Variants in IGSF9B observed in about 807,000 individuals in gnomAD.
IGSF9B encodes the protein protein turtle homolog B.
IGSF9B carries 48 observed loss-of-function variants against 143.7 expected under a neutral mutation model. That is an observed-to-expected ratio of 0.33 (90% CI 0.26 to 0.42). IGSF9B has a LOEUF of 0.42. Ranked by LOEUF, IGSF9B falls within the 20% of genes least tolerant of loss-of-function variation. The pLI is 1.00. For synonymous variants in IGSF9B, 903 were observed against 833.1 expected, an observed-to-expected ratio of 1.08 and a Z score of -1.44; for missense variants, 1,706 against 1,980.0, an observed-to-expected ratio of 0.86 and a Z score of 2.63.
rs1030872868 is a variant in IGSF9B at position 133,897,394 on chromosome 11, A to G, written c.*11675T>C. On this transcript the variant is annotated 3_prime_UTR_variant, in exon 20 of 20. Coordinates refer to ENST00000533871, the MANE Select transcript of IGSF9B (RefSeq NM_001277285.4). ...CGCACACACACGCACAGGTATGCACACATATATATGCAGGTGCGCGCACAC... is the reference window on the plus strand; with the variant it reads ...CGCACACACACGCACAGGTATGCACGCATATATATGCAGGTGCGCGCACAC... 34 of 152,206 alleles carry G rather than the reference A, an allele frequency of 2.2e-4. No homozygotes were observed. The highest frequency in any genetic ancestry group is 8.0e-4 in the African/African-American group (33 of 41,412). 9.4% of individuals were successfully genotyped at this position (152,206 alleles called of 1,614,324 possible).
At chr11:133,919,066 CGGGCTGGTCGCG>C (rs1170802882) in intron 18 of IGSF9B, 8 of 446,028 alleles carry the variant, frequency 1.8e-5, no homozygotes, top group Non-Finnish European at 3.6e-5. Context: ...CTCTCTCAGG[CGGGCTGGTCGCG>C]GGAGCTGGTC....
chr11:133,932,045 A>G (rs777366156), intron 8 of IGSF9B, 26 bp downstream of exon 8: 10 of 1,596,114 alleles, frequency 6.3e-6, no homozygotes, highest in Admixed American at 5.1e-5. Flanking sequence ...CCTCACTCCA[A>G]CCCTCAACAT....
intron 18 of IGSF9B, chr11:133,919,196 G>A (rs1310258388): frequency 2.6e-6 from 1 of 384,180 alleles, no homozygotes; most frequent in Non-Finnish European, 5.2e-6. Flanking sequence ...GAGAGGCTGA[G>A]GAGGGGGCTG....
chr11:133,930,998 T>C lies in IGSF9B; in HGVS notation c.1505A>G (p.His502Arg), dbSNP rs781141190. The C allele has an allele frequency of 6.2e-7, 1 of 1,611,262 alleles. No individual in the cohort carries two copies. The highest frequency in any genetic ancestry group is 8.5e-7 in the Non-Finnish European group (1 of 1,178,616). Residue 502 changes from histidine (H) to arginine (R), a missense_variant, in exon 11 of 20, where the codon CAC becomes CGC. Coordinates refer to ENST00000533871, the MANE Select transcript of IGSF9B (RefSeq NM_001277285.4). Reference protein sequence around the residue: ...NVVTSITASTHLTVIGTSPHA... With the variant: ...NVVTSITASTRLTVIGTSPHA... ...CGGCCACGTACCGATGACGGTGAGGTGGGTGCTGGCAGTGATGCTCGTGAC... is the reference window on the plus strand; with the variant it reads ...CGGCCACGTACCGATGACGGTGAGGCGGGTGCTGGCAGTGATGCTCGTGAC...
chr11:133,911,821 A>G, intron 19 of IGSF9B, 65 bp downstream of exon 19: 1 of 1,433,320 alleles, frequency 7.0e-7, no homozygotes, highest in Non-Finnish European at 9.1e-7. Flanking sequence ...CGGCAGCCCA[A>G]TAACCCTCCT....
At chr11:133,929,545 C>A in intron 12 of IGSF9B, 126 bp downstream of exon 12, 2 of 675,102 alleles carry the variant, frequency 3.0e-6, no homozygotes, top group Non-Finnish European at 5.4e-6. Flanking sequence ...TCAGTCTGTG[C>A]AGGGCTGGCA....
At chr11:133,939,934 C>A (rs1430873906) in intron 3 of IGSF9B, among the ~76,000 whole-genome samples, 1 of 148,894 alleles carries the variant, frequency 6.7e-6, no homozygotes. Flanking sequence ...CGCGTCATCA[C>A]ATGCAAAAAC....
chr11:133,919,963 GGACGGCGTA>G lies in IGSF9B; in HGVS notation c.3753_3761del (p.Pro1253_Thr1255del). ...GGCTGCTCTGGGAGGGGGAGCCTGT[GGACGGCGTA>G]GACTTTCGAGAAAAGCTGACTGCAG... On this transcript the variant is annotated inframe_deletion, in exon 18 of 20. Coordinates refer to ENST00000533871, the MANE Select transcript of IGSF9B (RefSeq NM_001277285.4). 6.4e-7 allele frequency: 1 copy of G among 1,565,620 alleles called. No individual in the cohort carries two copies. Among genetic ancestry groups the G allele is most frequent in the East Asian group, 2.3e-5 (1 of 44,240 alleles).
rs1939638565 is a variant in IGSF9B, at chr11:133,926,955, T to A, written c.1768A>T (p.Thr590Ser). ...GTGACCACCTCACTGAAGGCGCTGG[T>A]TCCCAGCTTGTTCTGGGCCAGGACG... The part of the protein sequence containing the change: ...FSVLAQNKLG[T>S]SAFSEVVTVN... Residue 590 changes from threonine (T) to serine (S), a missense_variant, in exon 13 of 20, where the codon ACC becomes TCC. Around this residue, in one of 7 missense-constraint regions of IGSF9B, gnomAD observed 267 missense variants for 321.1 expected, o/e 0.83. Transcript: ENST00000533871. 1 of 1,598,486 alleles carries A rather than the reference T, an allele frequency of 6.3e-7. No individual in the cohort carries two copies. Among genetic ancestry groups the A allele is most frequent in the Non-Finnish European group, 8.5e-7 (1 of 1,172,850 alleles).
At chr11:133,922,923 G>C (rs760370647) in intron 15 of IGSF9B, among the ~76,000 whole-genome samples, 193 bp from the exon 16 acceptor site, 2 of 152,240 alleles carry the variant, frequency 1.3e-5, no homozygotes, top group African/African-American at 2.4e-5. Flanking sequence ...AGAGTCTACA[G>C]AAGTCAATCT....
chr11:133,917,221 G>A (rs1470564084), intron 18 of IGSF9B, among the ~76,000 whole-genome samples: 2 of 152,200 alleles, frequency 1.3e-5, no homozygotes, highest in African/African-American at 2.4e-5. Context: ...AGGGCAGAGG[G>A]TCCGTGGCGA....
rs371249005 is a variant in IGSF9B at position 133,940,599 on chromosome 11, G to A, written c.410-2638C>T. 3.0e-3 allele frequency among the ~76,000 whole-genome samples: 371 copies of A among 125,386 alleles called. 2 individuals are homozygous for A. The highest frequency in any genetic ancestry group is 0.011 in the African/African-American group (340 of 31,892). The allele number at this position is 125,386 out of a possible 152,430, so 82.3% of individuals were successfully genotyped here. On this transcript the variant is annotated intron_variant, in intron 3 of 19. Coordinates refer to ENST00000533871, the MANE Select transcript of IGSF9B (RefSeq NM_001277285.4). ...ACACACACCTCGCATGTCCTCGCACGCGTCATCACATAAACATACACCTTG... is the reference window on the plus strand; with the variant it reads ...ACACACACCTCGCATGTCCTCGCACACGTCATCACATAAACATACACCTTG...
rs760758500 is a variant in IGSF9B at position 133,931,802 on chromosome 11, G to A, written c.1111-7C>T. On this transcript the variant is annotated splice_polypyrimidine_tract_variant and splice_region_variant and intron_variant, in intron 8 of 19. Transcript: ENST00000533871. The surrounding 1 kb of genome is among the most constrained non-coding windows in gnomAD (Gnocchi z 7.7). ...TCAGGGTCCAACCGAGGTTCTGCCA[G>A]ACACAGACGATAGGGCAGGGAACGC... The A allele has an allele frequency of 1.9e-6, 3 of 1,611,104 alleles. No homozygotes were observed. The highest frequency in any genetic ancestry group is 1.7e-6 in the Non-Finnish European group (2 of 1,179,216).
At chr11:133,933,317 G>T (rs1166493639) in intron 7 of IGSF9B, among the ~76,000 whole-genome samples, 1 of 152,140 alleles carries the variant, frequency 6.6e-6, no homozygotes. Flanking sequence ...GCAACAAGCA[G>T]TCCCCGCCTC....
At position 133,953,696 on chromosome 11, in the gene IGSF9B, G is replaced by A. The variant is rs548608474; in HGVS notation, c.64+2995C>T. Among the ~76,000 whole-genome samples the A allele has an allele frequency of 4.7e-4, 72 of 152,324 alleles. No homozygotes were observed. The highest frequency in any genetic ancestry group is 1.6e-3 in the African/African-American group (68 of 41,574). Reference sequence around the variant, plus strand: ...TCTGTGGCAGACAGAGGAGGCAGCCGTGGGAGTAAAGTCTGGGACTTTCCT... The same window carrying A: ...TCTGTGGCAGACAGAGGAGGCAGCCATGGGAGTAAAGTCTGGGACTTTCCT... On this transcript the variant is annotated intron_variant, in intron 1 of 19. Coordinates refer to ENST00000533871, the MANE Select transcript of IGSF9B (RefSeq NM_001277285.4). The surrounding 1 kb of genome is among the most constrained non-coding windows in gnomAD (Gnocchi z 4.2).
intron 5 of IGSF9B, among the ~76,000 whole-genome samples, chr11:133,936,406 G>A (rs1024977516): frequency 1.3e-5 from 2 of 151,472 alleles, no homozygotes; most frequent in African/African-American, 4.9e-5. Flanking sequence ...CAGCCGCCAC[G>A]CACACCCCCT....
In IGSF9B at chr11:133,921,097, G is replaced by A. The variant is rs1356749815; in HGVS notation, c.2628C>T (p.Gly876=). 2 of 1,613,900 alleles carry A rather than the reference G, an allele frequency of 1.2e-6. No individual in the cohort carries two copies. Among genetic ancestry groups the A allele is most frequent in the South Asian group, 1.1e-5 (1 of 91,092 alleles). The change falls in exon 18 of 20, where the codon GGC becomes GGT. Residue 876 remains glycine, a synonymous_variant. Coordinates refer to ENST00000533871, the MANE Select transcript of IGSF9B (RefSeq NM_001277285.4). ...TGTCCGTCTCCTCGGCGAAGGGGAA[G>A]CCCTCGATGCGCCTGCTCTTCAGCG... ...EPSLKSRRIE[G]FPFAEETDMY...
Position 133,908,985 on chromosome 11 carries a change from C to A in IGSF9B, c.*84G>T. On this transcript the variant is annotated 3_prime_UTR_variant, in exon 20 of 20. Transcript: ENST00000533871. ...AAAGGTCTGGGCCGCCCTTGGCAGA[C>A]GGAGGAGGACACACCCCCACACAGT... is the stretch of plus-strand genomic sequence containing the variant. 2 of 1,205,174 alleles carry A rather than the reference C, an allele frequency of 1.7e-6. No homozygotes were observed. The highest frequency in any genetic ancestry group is 2.8e-5 in the South Asian group (2 of 71,110). 74.7% of individuals were successfully genotyped at this position (1,205,174 alleles called of 1,614,324 possible).
Position 133,956,845 on chromosome 11 carries a change from GCCT to G in IGSF9B, c.-94_-92del. On this transcript the variant is annotated 5_prime_UTR_variant, in exon 1 of 20. Transcript: ENST00000533871. ...GCGCCCGAGCGCCCGCCTCGCGCCC[GCCT>G]CGCGCCGCCTACGCCCCGCGCCGGT... 1 of 684,396 alleles carries G rather than the reference GCCT, an allele frequency of 1.5e-6. No individual in the cohort carries two copies. The highest frequency in any genetic ancestry group is 6.4e-5 in the South Asian group (1 of 15,622). 42.4% of individuals were successfully genotyped at this position (684,396 alleles called of 1,614,324 possible).
Sources: allele counts gnomAD v4.1 joint callset (sites outside exome capture counted in the v4.1 genomes callset), GRCh38; gene constraint gnomAD v4.1.1; regional missense constraint gnomAD v4.1.1; non-coding constraint Gnocchi (gnomAD v3.1); transcripts MANE v1.5; gene names NCBI Gene and HGNC (gene_info 2026-07-23, HGNC 2026-07-21).